Variants in MEF2D observed in about 807,000 individuals in gnomAD.
The protein encoded by MEF2D is myocyte-specific enhancer factor 2D.
In MEF2D, 10 loss-of-function variants were observed where a neutral mutation model predicts 59.3. The observed-to-expected ratio is 0.17, with a 90% CI of 0.10 to 0.29. The LOEUF is 0.29. Among genes scored for constraint, MEF2D ranks in the 10% least tolerant of loss-of-function variants. The pLI, the probability that MEF2D is intolerant of heterozygous loss-of-function variation, is 1.00. For synonymous variants in MEF2D, 305 were observed against 295.0 expected, an observed-to-expected ratio of 1.03 and a Z score of -0.35; for missense variants, 508 against 699.4, an observed-to-expected ratio of 0.73 and a Z score of 3.09.
chr1:156,480,733 G>A (rs772636368), intron 4 of MEF2D, 101 bp downstream of exon 4: 5 of 1,611,368 alleles, frequency 3.1e-6, no homozygotes, highest in South Asian at 1.1e-5. Flanking sequence ...CAAACACCTC[G>A]TCCACCTCAG....
At chr1:156,470,158 G>A (rs1181416723) in intron 9 of MEF2D, among the ~76,000 whole-genome samples, 1 of 152,248 alleles carries the variant, frequency 6.6e-6, no homozygotes, top group Non-Finnish European at 1.5e-5. Context: ...GATTTACACA[G>A]CACTATTGTT....
chr1:156,493,773 A>T (rs1672964530), intron 1 of MEF2D, among the ~76,000 whole-genome samples: 1 of 152,110 alleles, frequency 6.6e-6, no homozygotes, highest in African/African-American at 2.4e-5. Context: ...TCTGAGGGGA[A>T]GTCCTGCCTG....
Position 156,498,101 on chromosome 1 carries a change from T to TAAAAAAA in MEF2D, c.-139+2378_-139+2384dup, listed in dbSNP as rs5777987. Among the ~76,000 whole-genome samples, 103 of 56,038 alleles carry TAAAAAAA rather than the reference T, an allele frequency of 1.8e-3. 12 individuals are homozygous for TAAAAAAA. The highest frequency in any genetic ancestry group is 7.6e-3 in the African/African-American group (99 of 12,982). The allele number at this position is 56,038 out of a possible 152,430, so 36.8% of individuals were successfully genotyped here. A position where few individuals can be genotyped will look rare whatever the true frequency, so the allele number is the denominator to read the frequency against. On this transcript the variant is annotated intron_variant, in intron 1 of 11. Transcript: ENST00000348159. ...CCCTATCACATCTCCCAGGAAAGAT[T>TAAAAAAA]AAAAAAAAAAAAAAAAAAAAAAAAA...
chr1:156,491,700 G>GAC, intron 1 of MEF2D, among the ~76,000 whole-genome samples: 1 of 152,184 alleles, frequency 6.6e-6, no homozygotes, highest in Admixed American at 6.5e-5. Context: ...TTGGTCCCTG[G>GAC]TGGGACCAGC....
chr1:156,480,205 T>G (rs1441516993), intron 4 of MEF2D, among the ~76,000 whole-genome samples: 1 of 152,062 alleles, frequency 6.6e-6, no homozygotes, highest in Non-Finnish European at 1.5e-5. Context: ...TCATTTCACT[T>G]GCAGTCTCCA....
At chr1:156,495,281 C>A (rs868863468) in intron 1 of MEF2D, among the ~76,000 whole-genome samples, 4 of 152,166 alleles carry the variant, frequency 2.6e-5, no homozygotes, top group Non-Finnish European at 2.9e-5. Context: ...AGGGCAGGAT[C>A]TCTCCTTTAA....
chr1:156,475,114 T>G lies in MEF2D; in HGVS notation c.1000A>C (p.Asn334His). ...LPFSSMPTAY[N>H]TDYQLTSAEL... Reference sequence around the variant, plus strand: ...ATGTCACATGAACACTCACCTGTGTTGTAGGCAGTGGGCATGGAAGAGAAG... The same window carrying G: ...ATGTCACATGAACACTCACCTGTGTGGTAGGCAGTGGGCATGGAAGAGAAG... The change falls in exon 9 of 12, where the codon AAC (asparagine) becomes CAC (histidine). Residue 334 changes from asparagine (N) to histidine (H), a missense_variant. Asn to His is a moderately conservative substitution (Grantham distance 68). Around this residue, in one of 2 missense-constraint regions of MEF2D, gnomAD observed 481 missense variants for 584.7 expected, o/e 0.82. Transcript: ENST00000348159. 6.2e-7 allele frequency: 1 copy of G among 1,614,206 alleles called. No individual in the cohort carries two copies.
At chr1:156,481,047 C>A (rs1205291713) in intron 3 of MEF2D, 76 bp from the exon 4 acceptor site, 3 of 1,591,720 alleles carry the variant, frequency 1.9e-6, no homozygotes, top group African/African-American at 2.7e-5. Context: ...CCAGCCCCTC[C>A]CTAAGGGCCC....
rs747126300 is a variant in MEF2D, at chr1:156,468,123, C to A, written c.1424G>T (p.Gly475Val). 1 of 1,614,008 alleles carries A rather than the reference C, an allele frequency of 6.2e-7. No homozygotes were observed. Among genetic ancestry groups the A allele is most frequent in the African/African-American group, 1.3e-5 (1 of 75,042 alleles). Residue 475 changes from glycine to valine, a missense_variant, in exon 11 of 12, where the codon GGG (glycine) becomes GTG (valine). Gly to Val is a moderately radical substitution (Grantham distance 109). Transcript: ENST00000348159. The surrounding 1 kb of genome is among the most constrained non-coding windows in gnomAD (Gnocchi z 4.3). ...EPGDGLSSPA[G>V]GSYETGDRDD... ...CCGGTCTCCCGTCTCATAGGATCCC[C>A]CGGCTGGGCTGCTGAGACCATCGCC... is the stretch of plus-strand genomic sequence containing the variant.
chr1:156,473,971 C>G (rs1671406879), intron 9 of MEF2D, among the ~76,000 whole-genome samples: 1 of 152,158 alleles, frequency 6.6e-6, no homozygotes, highest in Non-Finnish European at 1.5e-5. Flanking sequence ...GCCTCCTTGT[C>G]TCTTTTCTCT....
At chr1:156,499,201 T>A (rs1006780633) in intron 1 of MEF2D, among the ~76,000 whole-genome samples, 5 of 152,140 alleles carry the variant, frequency 3.3e-5, no homozygotes, top group Non-Finnish European at 7.3e-5. Context: ...TAGTCTAGGC[T>A]GGACCCTGAA....
At chr1:156,476,007 G>A (rs931804236) in intron 8 of MEF2D, among the ~76,000 whole-genome samples, 3 of 152,130 alleles carry the variant, frequency 2.0e-5, no homozygotes, top group African/African-American at 7.2e-5. Context: ...TCCAGCCTGG[G>A]CCTGGGCCTT....
At chr1:156,487,798 C>G (rs1371412145) in intron 1 of MEF2D, among the ~76,000 whole-genome samples, 2 of 152,264 alleles carry the variant, frequency 1.3e-5, no homozygotes, top group African/African-American at 4.8e-5. Flanking sequence ...AGTCTCTCCT[C>G]TCCAGCCTCA....
At chr1:156,472,551 T>C (rs1294824069) in intron 9 of MEF2D, among the ~76,000 whole-genome samples, 1 of 152,210 alleles carries the variant, frequency 6.6e-6, no homozygotes, top group Non-Finnish European at 1.5e-5. Flanking sequence ...ATTTTTCTTT[T>C]TTTTCCCTTT....
At chr1:156,479,264 C>G (rs1378514906) in intron 6 of MEF2D, 26 bp downstream of exon 6, 11 of 1,595,278 alleles carry the variant, frequency 6.9e-6, no homozygotes, top group Non-Finnish European at 9.4e-6. Context: ...CTCCCCACCT[C>G]CAGGTAGAAG....
intron 1 of MEF2D, among the ~76,000 whole-genome samples, chr1:156,491,961 A>G (rs1672828840): frequency 6.6e-6 from 1 of 152,184 alleles, no homozygotes; most frequent in African/African-American, 2.4e-5. Flanking sequence ...TCTTGGATTT[A>G]TAGTAACTCC....
intron 9 of MEF2D, among the ~76,000 whole-genome samples, chr1:156,473,251 G>A (rs576855685): frequency 2.4e-4 from 36 of 152,122 alleles, no homozygotes; most frequent in African/African-American, 5.1e-4. Flanking sequence ...TCTTGACCTC[G>A]TGATCCTCCT....
At chr1:156,499,114 T>C (rs1197899445) in intron 1 of MEF2D, among the ~76,000 whole-genome samples, 1 of 152,048 alleles carries the variant, frequency 6.6e-6, no homozygotes, top group Non-Finnish European at 1.5e-5. Flanking sequence ...ACACCCAATC[T>C]CAGGCTGACC....
Position 156,482,651 on chromosome 1 carries a change from G to C in MEF2D, c.55-11C>G. On this transcript the variant is annotated splice_polypyrimidine_tract_variant and intron_variant, in intron 2 of 11. Transcript: ENST00000348159. ...CTTGGTGAAAGTCACCTGCAGAGAA[G>C]GATGGGTGGGCGGCCAGATCTGGCT... The C allele has an allele frequency of 1.2e-6, 2 of 1,614,110 alleles. No homozygotes were observed. The highest frequency in any genetic ancestry group is 1.7e-6 in the Non-Finnish European group (2 of 1,179,930).
Sources: allele counts gnomAD v4.1 joint callset (sites outside exome capture counted in the v4.1 genomes callset), GRCh38; gene constraint gnomAD v4.1.1; regional missense constraint gnomAD v4.1.1; non-coding constraint Gnocchi (gnomAD v3.1); transcripts MANE v1.5; gene names NCBI Gene and HGNC (gene_info 2026-07-23, HGNC 2026-07-21).